POLE: variants seen among roughly 807,000 people sequenced by gnomAD.
POLE encodes DNA polymerase epsilon, catalytic subunit, also known as DNA polymerase epsilon catalytic subunit A.
Under a neutral mutation model 279.2 loss-of-function variants are expected in POLE, and 188 were observed. The observed-to-expected ratio is 0.67, with a 90% CI of 0.60 to 0.76. POLE has a LOEUF of 0.76. Among genes scored for constraint, POLE ranks in the 30% least tolerant of loss-of-function variants. The pLI is 0.00. For synonymous variants in POLE, 1,214 were observed against 1,172.5 expected, an observed-to-expected ratio of 1.04 and a Z score of -0.72; for missense variants, 2,703 against 3,016.7, an observed-to-expected ratio of 0.90 and a Z score of 2.44.
At position 132,672,797 on chromosome 12, in the gene POLE, T is replaced by C. The variant is rs773634913; in HGVS notation, c.1516A>G (p.Met506Val). Residue 506 changes from methionine (M) to valine (V), a missense_variant, in exon 15 of 49, where the codon ATG becomes GTG. Physicochemically the swap from Met to Val is conservative, Grantham distance 21. Coordinates refer to ENST00000320574, the MANE Select transcript of POLE (RefSeq NM_006231.4). The stretch of plus-strand genomic sequence containing the variant: ...ATGTTGGCGTGGAAGGCCTGCACCA[T>C]CAGCAAGGCCTCACACAGAGTGCCA... ...GSGTLCEALLMVQAFHANIIF... is the reference protein window; with the variant it reads ...GSGTLCEALLVVQAFHANIIF... 1.2e-5 allele frequency: 19 copies of C among 1,613,984 alleles called. No homozygotes were observed. Among genetic ancestry groups the C allele is most frequent in the Non-Finnish European group, 1.5e-5 (18 of 1,180,014 alleles).
Position 132,664,613 on chromosome 12 carries a change from G to C in POLE, c.2469-151C>G, listed in dbSNP as rs1362347407. 1.2e-5 allele frequency: 8 copies of C among 672,158 alleles called. No individual in the cohort carries two copies. Among genetic ancestry groups the C allele is most frequent in the Non-Finnish European group, 2.1e-5 (8 of 374,230 alleles). 41.6% of individuals were successfully genotyped at this position (672,158 alleles called of 1,614,324 possible). ...CGTGCACCAGGACAGAACTAAGGTG[G>C]AATCTGGCTCTGCCCGAGGACACCT... On this transcript the variant is annotated intron_variant, in intron 21 of 48. Coordinates refer to ENST00000320574, the MANE Select transcript of POLE (RefSeq NM_006231.4). The surrounding 1 kb of genome is among the most constrained non-coding windows in gnomAD (Gnocchi z 5.3).
intron 25 of POLE, 31 bp downstream of exon 25, chr12:132,660,937 AG>A (rs973061360): frequency 1.7e-5 from 26 of 1,529,802 alleles, no homozygotes; most frequent in Non-Finnish European, 2.3e-5. Context: ...TTCATCCCTC[AG>A]AGCAGGTGAG....
chr12:132,627,676 A>C (rs1015330028), intron 45 of POLE, among the ~76,000 whole-genome samples: 1 of 152,214 alleles, frequency 6.6e-6, no homozygotes, highest in African/African-American at 2.4e-5. Context: ...TATGTACCTT[A>C]ATTTTAAAAT....
At chr12:132,657,017 A>C in intron 29 of POLE, 119 bp downstream of exon 29, 3 of 1,104,866 alleles carry the variant, frequency 2.7e-6, no homozygotes, top group Non-Finnish European at 3.9e-6. Flanking sequence ...TTTCAGAAAA[A>C]GTCCATTTTC....
intron 27 of POLE, 47 bp downstream of exon 27, chr12:132,657,821 G>C (rs747170201): frequency 3.2e-5 from 42 of 1,303,170 alleles, no homozygotes; most frequent in Non-Finnish European, 1.1e-5. Context: ...GCTCTGTCTA[G>C]CTTTCCTTGT....
intron 32 of POLE, among the ~76,000 whole-genome samples, chr12:132,645,703 A>G (rs1464494084): frequency 5.9e-5 from 9 of 152,248 alleles, no homozygotes; most frequent in Admixed American, 5.9e-4. Flanking sequence ...TTGGCGTAAC[A>G]ACAACCAGGA....
chr12:132,638,572 C>T (rs771131474), intron 40 of POLE: 6 of 167,920 alleles, frequency 3.6e-5, no homozygotes, highest in East Asian at 3.5e-4. Context: ...GTTGGTGAGG[C>T]GCGGCCAGGG....
chr12:132,667,252 C>T (rs559992752), intron 20 of POLE, among the ~76,000 whole-genome samples: 6 of 152,328 alleles, frequency 3.9e-5, no homozygotes, highest in Non-Finnish European at 8.8e-5. Context: ...CTGTAGCTTG[C>T]TGACCCCTGC....
In POLE at chr12:132,639,305, G is replaced by A. The variant is rs1460370920; in HGVS notation, c.5379-7C>T. ...GACCATGCTCTTCAGGATCCTGAAA[G>A]AGAAGGTGCACGACACCCTCGTACC... On this transcript the variant is annotated splice_region_variant and splice_polypyrimidine_tract_variant and intron_variant, in intron 39 of 48. Transcript: ENST00000320574. The surrounding 1 kb of genome is among the most constrained non-coding windows in gnomAD (Gnocchi z 4.7). 2 of 1,613,812 alleles carry A rather than the reference G, an allele frequency of 1.2e-6. No individual in the cohort carries two copies. The highest frequency in any genetic ancestry group is 1.7e-6 in the Non-Finnish European group (2 of 1,179,814).
In POLE at chr12:132,668,719, C is replaced by T. The variant is rs961415389; in HGVS notation, c.1942G>A (p.Glu648Lys). ...NRLQPSAMVD[E>K]ATCAACDFNK... ...AAGTCACAGGCAGCACAGGTGGCTT[C>T]GTCCACCATGGCAGAGGGCTGGGAG... The change falls in exon 18 of 49, where the codon GAA (glutamate) becomes AAA (lysine). Residue 648 changes from glutamate (E) to lysine (K), a missense_variant. By Grantham distance (56) the Glu-to-Lys change is moderately conservative. Around this residue, in one of 5 missense-constraint regions of POLE, gnomAD observed 1,011 missense variants for 1,111.7 expected, o/e 0.91. Transcript: ENST00000320574. This position sits in a 1 kb window ranked among gnomAD's most constrained non-coding sequence, Gnocchi z 4.0. The T allele has an allele frequency of 1.9e-6, 3 of 1,613,982 alleles. No individual in the cohort carries two copies. The highest frequency in any genetic ancestry group is 1.7e-6 in the Non-Finnish European group (2 of 1,179,894).
chr12:132,625,974 GA>G (rs1480589250), intron 46 of POLE, 142 bp downstream of exon 46: 17 of 1,098,842 alleles, frequency 1.5e-5, no homozygotes, highest in Non-Finnish European at 2.1e-5. Flanking sequence ...GGAGGCCTGG[GA>G]AGGGGCCTGT....
intron 47 of POLE, 77 bp from the exon 48 acceptor site, chr12:132,625,071 C>G: frequency 2.8e-6 from 3 of 1,078,166 alleles, no homozygotes; most frequent in Non-Finnish European, 2.8e-6. Flanking sequence ...CACAGGCTCG[C>G]GAGACACATT....
chr12:132,661,910 G>A lies in POLE; in HGVS notation c.2707-226C>T, dbSNP rs1218998903. On this transcript the variant is annotated intron_variant, in intron 23 of 48. Coordinates refer to ENST00000320574, the MANE Select transcript of POLE (RefSeq NM_006231.4). This position sits in a 1 kb window ranked among gnomAD's most constrained non-coding sequence, Gnocchi z 4.1. ...AGCCAGACCCAAAATGCTACAGGCC[G>A]TATGCTTCCCTTTACATGACATTTT... Among the ~76,000 whole-genome samples, 2 of 152,212 alleles carry A rather than the reference G, an allele frequency of 1.3e-5. No homozygotes were observed. Among genetic ancestry groups the A allele is most frequent in the Non-Finnish European group, 2.9e-5 (2 of 68,040 alleles).
At chr12:132,645,923 C>A (rs981943308) in intron 32 of POLE, among the ~76,000 whole-genome samples, 4 of 152,166 alleles carry the variant, frequency 2.6e-5, no homozygotes, top group African/African-American at 9.7e-5. Context: ...CTGAAGGAAT[C>A]TAGATGAAAT....
In POLE at chr12:132,639,344, G is replaced by C. The variant is rs376627802; in HGVS notation, c.5379-46C>G. 6.3e-7 allele frequency: 1 copy of C among 1,586,380 alleles called. No individual in the cohort carries two copies. The highest frequency in any genetic ancestry group is 1.3e-5 in the African/African-American group (1 of 74,316). On this transcript the variant is annotated intron_variant, in intron 39 of 48. Coordinates refer to ENST00000320574, the MANE Select transcript of POLE (RefSeq NM_006231.4). This position sits in a 1 kb window ranked among gnomAD's most constrained non-coding sequence, Gnocchi z 4.7. ...CACCCTCGTACCCTCAGCCTCCCAC[G>C]CTGCTGCCACGCGGGACGCTCCAAC...
intron 1 of POLE, 84 bp downstream of exon 1, chr12:132,687,170 C>A: frequency 1.1e-6 from 1 of 871,034 alleles, no homozygotes; most frequent in East Asian, 3.6e-5. Flanking sequence ...GGGCCTCCCT[C>A]CCGCCTCGGC....
intron 25 of POLE, 29 bp from the exon 26 acceptor site, chr12:132,659,538 C>G (rs372862528): frequency 6.3e-7 from 1 of 1,592,384 alleles, no homozygotes; most frequent in African/African-American, 1.3e-5. Context: ...TAAAACACTG[C>G]AGAAATCAAG....
chr12:132,675,585 C>T lies in POLE; in HGVS notation c.1107-68G>A. 6.2e-7 allele frequency: 1 copy of T among 1,603,932 alleles called. No homozygotes were observed. The highest frequency in any genetic ancestry group is 8.5e-7 in the Non-Finnish European group (1 of 1,174,518). Reference sequence around the variant, plus strand: ...CTCTAATGCCCCTTTCTCCATTCCTCCCTCAGACCCAGGGAGGAACCCAGA... The same window carrying T: ...CTCTAATGCCCCTTTCTCCATTCCTTCCTCAGACCCAGGGAGGAACCCAGA... On this transcript the variant is annotated intron_variant, in intron 11 of 48. Coordinates refer to ENST00000320574, the MANE Select transcript of POLE (RefSeq NM_006231.4). This position sits in a 1 kb window ranked among gnomAD's most constrained non-coding sequence, Gnocchi z 4.3.
At chr12:132,644,054 A>G (rs1371302118) in intron 32 of POLE, 77 bp from the exon 33 acceptor site, 1 of 1,452,302 alleles carries the variant, frequency 6.9e-7, no homozygotes, top group Non-Finnish European at 9.1e-7. Context: ...AGCACACGCT[A>G]TTCGGAGTCC....
Sources: gnomAD v4.1 joint callset for allele counts (sites outside exome capture counted in the v4.1 genomes callset) on GRCh38, gnomAD v4.1.1 for gene constraint, gnomAD v4.1.1 regional missense constraint, Gnocchi (gnomAD v3.1) non-coding constraint, MANE v1.5 for transcripts, NCBI Gene and HGNC (gene_info 2026-07-23, HGNC 2026-07-21) for gene names.